Variants in CDK14 observed in about 807,000 individuals in gnomAD.
The protein encoded by CDK14 is cyclin-dependent kinase 14.
A neutral mutation model predicts 60.7 loss-of-function variants in CDK14; 34 were observed. The ratio of observed to expected loss-of-function variants is 0.56; its 90% CI spans 0.43 to 0.75. CDK14 has a LOEUF of 0.75. Among genes scored for constraint, CDK14 ranks in the 30% least tolerant of loss-of-function variants. The pLI is 0.00. For missense variants in CDK14, 482 were observed against 564.1 expected (o/e 0.85, Z 1.47); for synonymous variants, 197 against 203.7 (o/e 0.97, Z 0.28).
intron 10 of CDK14, among the ~76,000 whole-genome samples, chr7:91,027,587 A>T (rs922733790): frequency 3.3e-5 from 5 of 152,138 alleles, no homozygotes; most frequent in Non-Finnish European, 7.4e-5. Context: ...TGTAGGTGAA[A>T]GTCTGTACTA....
At chr7:90,842,587 T>C (rs1790334827) in intron 5 of CDK14, among the ~76,000 whole-genome samples, 1 of 152,078 alleles carries the variant, frequency 6.6e-6, no homozygotes, top group South Asian at 2.1e-4. Flanking sequence ...AGGCACAATC[T>C]GGAAGTAAAA....
chr7:90,681,783 C>T (rs1172499890), intron 2 of CDK14, among the ~76,000 whole-genome samples: 1 of 152,118 alleles, frequency 6.6e-6, no homozygotes, highest in Admixed American at 6.6e-5. Flanking sequence ...AAATCCTCCC[C>T]TTATGAAACC....
At chr7:91,191,650 A>T (rs1362486289) in intron 14 of CDK14, among the ~76,000 whole-genome samples, 1 of 151,968 alleles carries the variant, frequency 6.6e-6, no homozygotes, top group Non-Finnish European at 1.5e-5. Flanking sequence ...GTTTGCGTGT[A>T]TGTGAGTACA....
At chr7:91,197,431 T>C in intron 14 of CDK14, among the ~76,000 whole-genome samples, 1 of 150,552 alleles carries the variant, frequency 6.6e-6, no homozygotes. Flanking sequence ...TCCCAAATCC[T>C]GGAAACCTCC....
chr7:90,669,484 A>G (rs1801055727), intron 2 of CDK14, among the ~76,000 whole-genome samples: 1 of 152,226 alleles, frequency 6.6e-6, no homozygotes, highest in African/African-American at 2.4e-5. Flanking sequence ...AAGGGTCATG[A>G]GAGAGATACC....
At chr7:91,015,474 A>G (rs1329861274) in intron 10 of CDK14, among the ~76,000 whole-genome samples, 3 of 150,234 alleles carry the variant, frequency 2.0e-5, no homozygotes, top group Admixed American at 6.6e-5. Context: ...CATCTTCCCA[A>G]TGAATAGGTT....
At chr7:90,951,413 C>T (rs1053899907) in intron 8 of CDK14, among the ~76,000 whole-genome samples, 18 of 152,124 alleles carry the variant, frequency 1.2e-4, no homozygotes, top group African/African-American at 4.3e-4. Flanking sequence ...ATTTCTATAC[C>T]GTATTTTTGT....
chr7:90,637,607 T>C (rs940423681), intron 2 of CDK14, among the ~76,000 whole-genome samples: 3 of 151,926 alleles, frequency 2.0e-5, no homozygotes, highest in Non-Finnish European at 4.4e-5. Context: ...AAAATGTATA[T>C]TCTGTTGATT....
chr7:91,059,701 G>A (rs1066808), intron 11 of CDK14, among the ~76,000 whole-genome samples: 16,543 of 132,872 alleles, frequency 0.12, 1,113 homozygotes, highest in Non-Finnish European at 0.17. Flanking sequence ...CAGTTTCCAT[G>A]TAGTTGAGCG....
At position 91,045,905 on chromosome 7, in the gene CDK14, A is replaced by T; in HGVS notation, c.1050A>T (p.Gly350=). ...DQLERIFLVL[G]TPNEDTWPGV... is the part of the protein sequence containing the mutation. ...CTCCTACTCTCCACTAGGTTCTTGG[A>T]ACACCAAATGAGGACACATGGCCTG... is the stretch of plus-strand genomic sequence containing the variant. The change falls in exon 11 of 15, where the codon GGA becomes GGT. Residue 350 remains glycine, a synonymous_variant. Coordinates refer to ENST00000380050, the MANE Select transcript of CDK14 (RefSeq NM_001287135.2). 2 of 1,609,400 alleles carry T rather than the reference A, an allele frequency of 1.2e-6. No homozygotes were observed. The highest frequency in any genetic ancestry group is 2.2e-5 in the South Asian group (2 of 90,958).
intron 13 of CDK14, among the ~76,000 whole-genome samples, chr7:91,114,516 G>T (rs1037293158): frequency 6.6e-6 from 1 of 152,152 alleles, no homozygotes; most frequent in African/African-American, 2.4e-5. Context: ...AATTTTGGCT[G>T]CATTAATCCC....
intron 10 of CDK14, among the ~76,000 whole-genome samples, chr7:90,991,427 A>G (rs1335065015): frequency 6.6e-6 from 1 of 152,142 alleles, no homozygotes; most frequent in Non-Finnish European, 1.5e-5. Flanking sequence ...GGAGGGCTAG[A>G]CCAGGGGAGA....
At chr7:90,758,110 C>A (rs903830699) in intron 4 of CDK14, among the ~76,000 whole-genome samples, 4 of 152,174 alleles carry the variant, frequency 2.6e-5, no homozygotes, top group Non-Finnish European at 4.4e-5. Context: ...GGCTGGTTAA[C>A]CCTGTTCACA....
At chr7:91,060,866 C>G (rs1025450916) in intron 11 of CDK14, among the ~76,000 whole-genome samples, 10 of 152,114 alleles carry the variant, frequency 6.6e-5, no homozygotes, top group Non-Finnish European at 1.5e-4. Context: ...GTGAATCTGA[C>G]AATTATGTGT....
At chr7:91,093,050 T>G (rs879203844) in intron 12 of CDK14, among the ~76,000 whole-genome samples, 1 of 152,194 alleles carries the variant, frequency 6.6e-6, no homozygotes, top group Admixed American at 6.5e-5. Flanking sequence ...GCATACTAAC[T>G]TTAGCACCTG....
At chr7:91,103,596 C>G (rs1350855767) in intron 12 of CDK14, among the ~76,000 whole-genome samples, 1 of 152,096 alleles carries the variant, frequency 6.6e-6, no homozygotes, top group Non-Finnish European at 1.5e-5. Flanking sequence ...GCTAACTCTC[C>G]CTGCCTCTAG....
At chr7:90,637,747 C>A (rs1800189576) in intron 2 of CDK14, among the ~76,000 whole-genome samples, 2 of 116,522 alleles carry the variant, frequency 1.7e-5, no homozygotes, top group South Asian at 6.1e-4. Context: ...TTAAAGTCTC[C>A]CATTATTATT....
intron 5 of CDK14, among the ~76,000 whole-genome samples, chr7:90,806,296 TAAAA>T (rs1350737258): frequency 2.6e-5 from 4 of 152,188 alleles, no homozygotes; most frequent in African/African-American, 9.6e-5. Flanking sequence ...GTTGTCCTCT[TAAAA>T]AGACACCATT....
At chr7:91,145,958 T>A (rs1294807555) in intron 14 of CDK14, among the ~76,000 whole-genome samples, 1 of 140,880 alleles carries the variant, frequency 7.1e-6, no homozygotes, top group Admixed American at 7.5e-5. Context: ...TTATTTATTT[T>A]TTATGTCAAG....
Sources: gnomAD v4.1 joint callset for allele counts (sites outside exome capture counted in the v4.1 genomes callset) on GRCh38, gnomAD v4.1.1 for gene constraint, MANE v1.5 for transcripts, NCBI Gene and HGNC (gene_info 2026-07-23, HGNC 2026-07-21) for gene names.